The following GFPT2 variants were observed in gnomAD, a reference collection of about 807,000 sequenced individuals.
The protein encoded by GFPT2 is glutamine--fructose-6-phosphate transaminase 2, also known as glutamine--fructose-6-phosphate aminotransferase [isomerizing] 2.
GFPT2 carries 62 observed loss-of-function variants against 85.6 expected under a neutral mutation model. That is an observed-to-expected ratio of 0.72 (90% CI 0.59 to 0.90). The LOEUF (loss-of-function observed/expected upper bound fraction) is 0.90. Ranked by LOEUF, GFPT2 falls within the 40% of genes least tolerant of loss-of-function variation. GFPT2 has a pLI of 0.00. For synonymous variants in GFPT2, 368 were observed against 344.5 expected (o/e 1.07, Z -0.75); for missense variants, 788 against 893.4 (o/e 0.88, Z 1.50).
Position 180,336,558 on chromosome 5 carries a change from A to G in GFPT2, c.135T>C (p.Asn45=), listed in dbSNP as rs1764405636. The change falls in exon 3 of 19, where the codon AAT becomes AAC. Residue 45 remains asparagine (N), a synonymous_variant. Coordinates refer to ENST00000253778, the MANE Select transcript of GFPT2 (RefSeq NM_005110.4). ...YDSAGVAIDG[N]NHEVKERHIQ... is the part of the protein sequence containing the mutation. ...TGTGTCTTTCTTTGACTTCGTGATT[A>G]TTCCCATCGATCGCCACACCTGTGA... is the stretch of plus-strand genomic sequence containing the variant. 6.2e-7 allele frequency: 1 copy of G among 1,608,448 alleles called. No homozygotes were observed. Among genetic ancestry groups the G allele is most frequent in the Admixed American group, 1.7e-5 (1 of 59,996 alleles).
chr5:180,351,144 AC>A (rs1208655208), intron 1 of GFPT2, among the ~76,000 whole-genome samples: 2 of 152,240 alleles, frequency 1.3e-5, no homozygotes, highest in Non-Finnish European at 2.9e-5. Flanking sequence ...CCAAAAGAAA[AC>A]AACCATAAAA....
Position 180,318,585 on chromosome 5 carries a change from G to A in GFPT2, c.958+208C>T. On this transcript the variant is annotated intron_variant, in intron 10 of 18. Coordinates refer to ENST00000253778, the MANE Select transcript of GFPT2 (RefSeq NM_005110.4). This position sits in a 1 kb window ranked among gnomAD's most constrained non-coding sequence, Gnocchi z 4.2. ...AGTAGGAAAGACCTGGCGGCTGGCT[G>A]CACACAGGAGCCCCCGCTTGGAGGT... 4 of 564,790 alleles carry A rather than the reference G, an allele frequency of 7.1e-6. No homozygotes were observed. Among genetic ancestry groups the A allele is most frequent in the Non-Finnish European group, 1.3e-5 (4 of 314,756 alleles). 35.0% of individuals were successfully genotyped at this position (564,790 alleles called of 1,614,324 possible).
chr5:180,343,979 C>T (rs1764564644), intron 1 of GFPT2, among the ~76,000 whole-genome samples: 1 of 152,230 alleles, frequency 6.6e-6, no homozygotes, highest in Admixed American at 6.5e-5. Context: ...GATGCATGTG[C>T]ACACGTGCGA....
chr5:180,349,747 T>C (rs1764675254), intron 1 of GFPT2, among the ~76,000 whole-genome samples: 1 of 151,950 alleles, frequency 6.6e-6, no homozygotes, highest in South Asian at 2.1e-4. Flanking sequence ...TTTAAATCAG[T>C]AAGTTTGCAG....
At position 180,318,631 on chromosome 5, in the gene GFPT2, T is replaced by G; in HGVS notation, c.958+162A>C. The G allele has an allele frequency of 1.6e-6, 1 of 615,810 alleles. No individual in the cohort carries two copies. Among genetic ancestry groups the G allele is most frequent in the Non-Finnish European group, 2.8e-6 (1 of 352,048 alleles). 38.1% of individuals were successfully genotyped at this position (615,810 alleles called of 1,614,324 possible). On this transcript the variant is annotated intron_variant, in intron 10 of 18. Coordinates refer to ENST00000253778, the MANE Select transcript of GFPT2 (RefSeq NM_005110.4). This position sits in a 1 kb window ranked among gnomAD's most constrained non-coding sequence, Gnocchi z 4.2. The stretch of plus-strand genomic sequence containing the variant: ...GAGGTGCCAGGCCAGCCTCCCCACA[T>G]CCCCTCACCTGTGCAAGCCACAGGC...
intron 1 of GFPT2, among the ~76,000 whole-genome samples, chr5:180,351,945 G>A (rs1357873230): frequency 6.6e-6 from 1 of 152,160 alleles, no homozygotes; most frequent in African/African-American, 2.4e-5. Flanking sequence ...TACACTGAGA[G>A]GTGTGGAACA....
chr5:180,301,297 TCTCTA>T lies in GFPT2; in HGVS notation c.*262_*266del. On this transcript the variant is annotated 3_prime_UTR_variant, in exon 19 of 19. Transcript: ENST00000253778. Reference sequence around the variant, plus strand: ...CACAGTTACTCTGAAGAGAGCTGTATCTCTATTGCACAGTAGTGGAGAAGTCTGCT... The same window carrying T: ...CACAGTTACTCTGAAGAGAGCTGTATTTGCACAGTAGTGGAGAAGTCTGCT... 1 of 508,870 alleles carries T rather than the reference TCTCTA, an allele frequency of 2.0e-6. No homozygotes were observed. 31.5% of individuals were successfully genotyped at this position (508,870 alleles called of 1,614,324 possible).
chr5:180,326,220 A>T (rs77377411), intron 7 of GFPT2, among the ~76,000 whole-genome samples: 28,489 of 152,144 alleles, frequency 0.19, 3,286 homozygotes, highest in Non-Finnish European at 0.26. Flanking sequence ...CCAGGCAGGT[A>T]AAAGTGCAGT....
chr5:180,341,665 A>G (rs1327476209), intron 1 of GFPT2, among the ~76,000 whole-genome samples: 1 of 152,080 alleles, frequency 6.6e-6, no homozygotes, highest in African/African-American at 2.4e-5. Flanking sequence ...TTCCTTTAAA[A>G]TCAGCCAAGG....
intron 7 of GFPT2, among the ~76,000 whole-genome samples, chr5:180,326,828 A>G (rs1446250981): frequency 6.6e-6 from 1 of 152,200 alleles, no homozygotes; most frequent in Non-Finnish European, 1.5e-5. Context: ...CGAAGATTGT[A>G]CTGCAGGTTA....
In GFPT2 at chr5:180,330,642, A is replaced by G; in HGVS notation, c.534+58T>C. 1 of 1,463,748 alleles carries G rather than the reference A, an allele frequency of 6.8e-7. No homozygotes were observed. The highest frequency in any genetic ancestry group is 1.8e-5 in the Admixed American group (1 of 55,574). The allele number at this position is 1,463,748 out of a possible 1,614,324, so 90.7% of individuals were successfully genotyped here. A position where few individuals can be genotyped will look rare whatever the true frequency, so the allele number is the denominator to read the frequency against. On this transcript the variant is annotated intron_variant, in intron 6 of 18. Coordinates refer to ENST00000253778, the MANE Select transcript of GFPT2 (RefSeq NM_005110.4). This position sits in a 1 kb window ranked among gnomAD's most constrained non-coding sequence, Gnocchi z 4.4. ...TTCCTTGGCACTTGCTGCTTGAAAA[A>G]AATGTTTTTAATGAAAGAATGAAGG...
intron 9 of GFPT2, among the ~76,000 whole-genome samples, chr5:180,319,204 T>C (rs539677044): frequency 6.6e-6 from 1 of 152,378 alleles, no homozygotes; most frequent in Non-Finnish European, 1.5e-5. Context: ...CACTTTACCA[T>C]AGAGCTCTAA....
At chr5:180,327,680 T>G (rs549551255) in intron 7 of GFPT2, among the ~76,000 whole-genome samples, 1 of 152,322 alleles carries the variant, frequency 6.6e-6, no homozygotes, top group East Asian at 1.9e-4. Context: ...CATGGTTGGA[T>G]GGATGATCAA....
At chr5:180,314,290 G>A (rs893208425) in intron 13 of GFPT2, among the ~76,000 whole-genome samples, 1 of 152,148 alleles carries the variant, frequency 6.6e-6, no homozygotes, top group Non-Finnish European at 1.5e-5. Context: ...GGTGACAGGT[G>A]GGCTTGGCTC....
At chr5:180,313,568 C>T (rs1235107582) in intron 14 of GFPT2, among the ~76,000 whole-genome samples, 1 of 148,998 alleles carries the variant, frequency 6.7e-6, no homozygotes, top group Non-Finnish European at 1.5e-5. Context: ...CCAGCCTGGG[C>T]GACAGAGTGA....
At chr5:180,336,342 A>G in intron 3 of GFPT2, 137 bp downstream of exon 3, 1 of 705,048 alleles carries the variant, frequency 1.4e-6, no homozygotes. Flanking sequence ...CCGGTTTTAC[A>G]GCACGGGCTT....
At chr5:180,317,341 C>G (rs1294106861) in intron 10 of GFPT2, among the ~76,000 whole-genome samples, 1 of 152,170 alleles carries the variant, frequency 6.6e-6, no homozygotes, top group Non-Finnish European at 1.5e-5. Context: ...GCTCCCTTAG[C>G]AAGGCCAAAA....
chr5:180,307,214 GC>G lies in GFPT2; in HGVS notation c.1635del (p.Arg546GlyfsTer13). ...LYTQRSLLVM[G>X]RGYNYATCLE... The stretch of plus-strand genomic sequence containing the variant: ...AGGCAGGTGGCATAGTTGTAGCCCC[GC>G]CCCATCACCAGCAGCGATCTCTGCG... On this transcript the variant is annotated frameshift_variant, in exon 16 of 19. Coordinates refer to ENST00000253778, the MANE Select transcript of GFPT2 (RefSeq NM_005110.4). LOFTEE classifies it high-confidence loss of function. 6.2e-7 allele frequency: 1 copy of G among 1,608,914 alleles called. No homozygotes were observed. The highest frequency in any genetic ancestry group is 8.5e-7 in the Non-Finnish European group (1 of 1,177,884).
In GFPT2 at chr5:180,330,578, T is replaced by C; in HGVS notation, c.534+122A>G. The C allele has an allele frequency of 1.3e-6, 1 of 778,440 alleles. No individual in the cohort carries two copies. The highest frequency in any genetic ancestry group is 2.1e-6 in the Non-Finnish European group (1 of 466,856). 48.2% of individuals were successfully genotyped at this position (778,440 alleles called of 1,614,324 possible). ...GCTGTCTTTTATCCCCAGGACTCTGTGCAAGTTTGTCTAACAAGGGCTTAT... is the reference window on the plus strand; with the variant it reads ...GCTGTCTTTTATCCCCAGGACTCTGCGCAAGTTTGTCTAACAAGGGCTTAT... On this transcript the variant is annotated intron_variant, in intron 6 of 18. Transcript: ENST00000253778. The surrounding 1 kb of genome is among the most constrained non-coding windows in gnomAD (Gnocchi z 4.4).
Sources: gnomAD v4.1 joint callset for allele counts (sites outside exome capture counted in the v4.1 genomes callset) on GRCh38, gnomAD v4.1.1 for gene constraint, Gnocchi (gnomAD v3.1) non-coding constraint, MANE v1.5 for transcripts, NCBI Gene and HGNC (gene_info 2026-07-23, HGNC 2026-07-21) for gene names.